RGL1: variants seen among roughly 807,000 people sequenced by gnomAD.
RGL1 encodes ral guanine nucleotide dissociation stimulator like 1, also known as ral guanine nucleotide dissociation stimulator-like 1.
Under a neutral mutation model 95.2 loss-of-function variants are expected in RGL1, and 24 were observed. That is an observed-to-expected ratio of 0.25 (90% CI 0.18 to 0.35). The LOEUF (loss-of-function observed/expected upper bound fraction) is 0.35, where lower values mean the gene tolerates loss of function less well. Among genes scored for constraint, RGL1 ranks in the 10% least tolerant of loss-of-function variants. The pLI is 1.00. For synonymous variants in RGL1, 329 were observed against 344.9 expected, an observed-to-expected ratio of 0.95 and a Z score of 0.51; for missense variants, 715 against 936.3, an observed-to-expected ratio of 0.76 and a Z score of 3.08.
intron 2 of RGL1, among the ~76,000 whole-genome samples, chr1:183,774,315 AT>A (rs1659471337): frequency 1.3e-5 from 2 of 152,172 alleles, no homozygotes; most frequent in African/African-American, 2.4e-5. Flanking sequence ...ATGTTTCCTA[AT>A]TTTTTGTTTG....
intron 2 of RGL1, among the ~76,000 whole-genome samples, chr1:183,827,871 A>G (rs1662982731): frequency 6.6e-6 from 1 of 152,206 alleles, no homozygotes; most frequent in Non-Finnish European, 1.5e-5. Flanking sequence ...AATTAGAATG[A>G]CAAAGCAGTA....
chr1:183,650,124 T>G (rs1454096675), intron 1 of RGL1, among the ~76,000 whole-genome samples: 1 of 151,944 alleles, frequency 6.6e-6, no homozygotes, highest in East Asian at 1.9e-4. Context: ...TCCGTCACTA[T>G]TAACATGTCT....
intron 2 of RGL1, among the ~76,000 whole-genome samples, chr1:183,776,648 T>A (rs1659620391): frequency 6.6e-6 from 1 of 152,090 alleles, no homozygotes; most frequent in African/African-American, 2.4e-5. Flanking sequence ...GAGTGTCCCA[T>A]GGACAAGAAA....
chr1:183,907,008 TCAGCTATGCC>T lies in RGL1; in HGVS notation c.1473-2_1480del. ...ACCTCATGGAGCCCCCTTCTCTTTC[TCAGCTATGCC>T]CTGTCATGTGAGATTGAAGCAGCTG... On this transcript the variant is annotated splice_acceptor_variant and splice_polypyrimidine_tract_variant and coding_sequence_variant and intron_variant, in exon 14 of 18. Transcript: ENST00000360851. LOFTEE classifies it high-confidence loss of function. The T allele has an allele frequency of 6.3e-7, 1 of 1,593,124 alleles. No homozygotes were observed. The highest frequency in any genetic ancestry group is 8.6e-7 in the Non-Finnish European group (1 of 1,161,678).
intron 3 of RGL1, among the ~76,000 whole-genome samples, chr1:183,865,549 T>C (rs1572522280): frequency 6.6e-6 from 1 of 152,300 alleles, no homozygotes; most frequent in South Asian, 2.1e-4. Context: ...AGCCATCAGT[T>C]TGTGCTCCCA....
chr1:183,807,883 T>C (rs916229153), intron 2 of RGL1, among the ~76,000 whole-genome samples: 3 of 151,770 alleles, frequency 2.0e-5, no homozygotes, highest in Admixed American at 2.0e-4. Context: ...AGAACTAGAG[T>C]TCTGACAAGT....
At chr1:183,690,192 A>T (rs1466862792) in intron 1 of RGL1, among the ~76,000 whole-genome samples, 1 of 151,974 alleles carries the variant, frequency 6.6e-6, no homozygotes, top group Admixed American at 6.6e-5. Context: ...AGCAGTGTTT[A>T]CTCTGGGAGA....
chr1:183,772,090 C>A (rs1344417219), intron 2 of RGL1, among the ~76,000 whole-genome samples: 2 of 152,222 alleles, frequency 1.3e-5, no homozygotes, highest in Admixed American at 6.5e-5. Flanking sequence ...CTTCTGGCTC[C>A]CCCATCGGTG....
chr1:183,921,397 A>G (rs1669302526), intron 16 of RGL1, among the ~76,000 whole-genome samples: 3 of 152,296 alleles, frequency 2.0e-5, no homozygotes, highest in Admixed American at 6.5e-5. Flanking sequence ...GCCCTTTCCA[A>G]TCAATCCCCT....
At chr1:183,914,843 A>G (rs1185208346) in intron 15 of RGL1, among the ~76,000 whole-genome samples, 1 of 152,192 alleles carries the variant, frequency 6.6e-6, no homozygotes, top group Admixed American at 6.5e-5. Context: ...GAGTTTGGAT[A>G]GAGGAACATG....
chr1:183,766,792 A>AT lies in RGL1; in HGVS notation c.132+24514dup, dbSNP rs775470958. Among the ~76,000 whole-genome samples, 901 of 148,038 alleles carry AT rather than the reference A, an allele frequency of 6.1e-3. 10 individuals are homozygous for AT. Among genetic ancestry groups the AT allele is most frequent in the South Asian group, 0.018 (85 of 4,684 alleles). On this transcript the variant is annotated intron_variant, in intron 2 of 18. Transcript: ENST00000304685. ...GTTTAAAAGGCTGGTGTGCTCTATC[A>AT]TTTTTTTTTTTGAGGCTTGACAAAG... is the stretch of plus-strand genomic sequence containing the variant.
intron 2 of RGL1, among the ~76,000 whole-genome samples, chr1:183,758,704 C>T (rs998306835): frequency 2.6e-5 from 4 of 152,034 alleles, no homozygotes; most frequent in African/African-American, 9.7e-5. Flanking sequence ...ACCCTCATGA[C>T]CTTATTGCCT....
chr1:183,640,096 C>G (rs868304332), intron 1 of RGL1, among the ~76,000 whole-genome samples: 1 of 152,078 alleles, frequency 6.6e-6, no homozygotes, highest in African/African-American at 2.4e-5. Context: ...CTTGGGCTCC[C>G]GAAGTGCTGG....
intron 1 of RGL1, among the ~76,000 whole-genome samples, chr1:183,714,897 TC>T (rs1245983445): frequency 1.3e-5 from 2 of 152,078 alleles, no homozygotes; most frequent in Admixed American, 6.6e-5. Context: ...TTGGAGGCAG[TC>T]TGGTGCAGGT....
Position 183,805,141 on chromosome 1 carries a change from G to T in RGL1, c.-157G>T. The stretch of plus-strand genomic sequence containing the variant: ...CTTTGTGGCCCGAGTCGCGCGCACC[G>T]GCGGCGGCGGGGGCAGCGCGGCGCG... On this transcript the variant is annotated 5_prime_UTR_variant, in exon 1 of 18. Transcript: ENST00000360851. 1 of 960,722 alleles carries T rather than the reference G, an allele frequency of 1.0e-6. No individual in the cohort carries two copies. Among genetic ancestry groups the T allele is most frequent in the South Asian group, 4.2e-5 (1 of 23,780 alleles). The allele number at this position is 960,722 out of a possible 1,614,324, so 59.5% of individuals were successfully genotyped here.
intron 17 of RGL1, 56 bp downstream of exon 17, chr1:183,922,392 G>A: frequency 7.9e-7 from 1 of 1,263,338 alleles, no homozygotes; most frequent in Middle Eastern, 1.8e-4. Flanking sequence ...GCTAGCACAT[G>A]TCCACAGTGC....
intron 1 of RGL1, among the ~76,000 whole-genome samples, chr1:183,723,909 C>T (rs1656163278): frequency 6.6e-6 from 1 of 152,116 alleles, no homozygotes; most frequent in African/African-American, 2.4e-5. Context: ...CTTCTTTCTG[C>T]TTGAAGAAAG....
chr1:183,824,008 G>A (rs541444791), intron 2 of RGL1, among the ~76,000 whole-genome samples: 6 of 151,726 alleles, frequency 4.0e-5, no homozygotes, highest in South Asian at 2.1e-4. Context: ...GGCTCATCTC[G>A]AACTCCTGGG....
intron 1 of RGL1, among the ~76,000 whole-genome samples, chr1:183,805,708 G>A (rs1468673466): frequency 6.6e-6 from 1 of 152,210 alleles, no homozygotes; most frequent in Non-Finnish European, 1.5e-5. Flanking sequence ...AGTAGAAGCT[G>A]CCTGATGATG....
Sources: gnomAD v4.1 joint callset for allele counts (sites outside exome capture counted in the v4.1 genomes callset) on GRCh38, gnomAD v4.1.1 for gene constraint, MANE v1.5 for transcripts, NCBI Gene and HGNC (gene_info 2026-07-23, HGNC 2026-07-21) for gene names.